The following TEX15 variants were observed in gnomAD, a reference collection of about 807,000 sequenced individuals.
The protein encoded by TEX15 is testis expressed 15, meiosis and synapsis associated.
In TEX15, 171 loss-of-function variants were observed where a neutral mutation model predicts 237.3. The observed-to-expected ratio is 0.72, with a 90% CI of 0.64 to 0.82. The LOEUF (loss-of-function observed/expected upper bound fraction) is 0.82. Among genes scored for constraint, TEX15 ranks in the 40% least tolerant of loss-of-function variants. The pLI is 0.00. For missense variants in TEX15, 3,750 were observed against 3,646.5 expected (o/e 1.03, Z -0.73); for synonymous variants, 1,338 against 1,269.8 (o/e 1.05, Z -1.14).
rs148956340 is a variant in TEX15, at chr8:30,846,175, G to C, written c.3992C>G (p.Thr1331Ser). The C allele has an allele frequency of 8.9e-4, 1,443 of 1,613,180 alleles. 13 individuals are homozygous for C. The Middle Eastern group carries it at 0.026, about 29-fold the overall frequency. ...HKIYGRKRRL[T>S]SQDSSECFSS... ...GAAACACTCAGATGAGTCTTGACTG[G>C]TTAGCCTCCTCTTTCTCCCATAAAT... Residue 1331 changes from threonine (T) to serine (S), a missense_variant, in exon 8 of 11, where the codon ACC becomes AGC. Coordinates refer to ENST00000643185, the MANE Select transcript of TEX15 (RefSeq NM_001350162.2).
intron 3 of TEX15, among the ~76,000 whole-genome samples, chr8:30,881,239 T>C (rs1167837718): frequency 2.0e-5 from 3 of 152,316 alleles, no homozygotes; most frequent in Admixed American, 6.5e-5. Flanking sequence ...CTTGGAACCA[T>C]GGTAATATTA....
At chr8:30,857,161 T>C (rs1455279854) in intron 7 of TEX15, among the ~76,000 whole-genome samples, 1 of 152,160 alleles carries the variant, frequency 6.6e-6, no homozygotes, top group Non-Finnish European at 1.5e-5. Flanking sequence ...TGATATATTA[T>C]AGAGGTGGTA....
chr8:30,841,880 A>T (rs975938106), intron 8 of TEX15, 124 bp downstream of exon 8: 32 of 601,050 alleles, frequency 5.3e-5, no homozygotes, highest in Non-Finnish European at 8.0e-5. Flanking sequence ...TAGTTAGTAA[A>T]TTCATTTTGC....
intron 1 of TEX15, among the ~76,000 whole-genome samples, chr8:30,899,195 A>G (rs1372474898): frequency 1.3e-5 from 2 of 152,186 alleles, no homozygotes; most frequent in African/African-American, 4.8e-5. Context: ...TACATACAGC[A>G]CAAAACATTG....
chr8:30,845,621 C>T lies in TEX15; in HGVS notation c.4546G>A (p.Glu1516Lys), dbSNP rs1394559755. 6.2e-7 allele frequency: 1 copy of T among 1,613,566 alleles called. No homozygotes were observed. The highest frequency in any genetic ancestry group is 2.2e-5 in the East Asian group (1 of 44,860). ...MGEFCNQEHPESQLPVSSTSQ... is the reference protein window; with the variant it reads ...MGEFCNQEHPKSQLPVSSTSQ... ...GTGGAGGATACAGGCAACTGTGATT[C>T]AGGATGTTCTTGATTACAAAATTCT... Residue 1516 changes from glutamate (E) to lysine (K), a missense_variant, in exon 8 of 11, where the codon GAA (glutamate) becomes AAA (lysine). By Grantham distance (56) the Glu-to-Lys change is moderately conservative. Transcript: ENST00000643185.
intron 2 of TEX15, among the ~76,000 whole-genome samples, chr8:30,891,248 T>C (rs917638308): frequency 2.0e-5 from 3 of 152,078 alleles, no homozygotes; most frequent in South Asian, 2.1e-4. Context: ...GCACACTGAT[T>C]TTTGATCCTC....
intron 2 of TEX15, among the ~76,000 whole-genome samples, chr8:30,891,148 A>T (rs1452731555): frequency 2.0e-5 from 3 of 152,096 alleles, no homozygotes; most frequent in African/African-American, 7.2e-5. Context: ...AGCTCAAGCG[A>T]TCAATAAATG....
chr8:30,908,202 G>C (rs1191512166), intron 1 of TEX15, among the ~76,000 whole-genome samples: 2 of 152,094 alleles, frequency 1.3e-5, no homozygotes, highest in African/African-American at 2.4e-5. Context: ...GGAATTGCAG[G>C]CATGAGCCAC....
intron 4 of TEX15, among the ~76,000 whole-genome samples, chr8:30,870,030 T>C (rs1808258500): frequency 6.6e-6 from 1 of 152,036 alleles, no homozygotes; most frequent in African/African-American, 2.4e-5. Flanking sequence ...GTCTGTCACC[T>C]CTGAACCCTG....
At chr8:30,895,272 T>G (rs1808875327) in intron 2 of TEX15, among the ~76,000 whole-genome samples, 1 of 119,426 alleles carries the variant, frequency 8.4e-6, no homozygotes, top group South Asian at 2.6e-4. Flanking sequence ...CACTCCAGCC[T>G]AGGCGACAAA....
chr8:30,848,740 G>C lies in TEX15; in HGVS notation c.1427C>G (p.Ser476Cys). 1 of 1,614,184 alleles carries C rather than the reference G, an allele frequency of 6.2e-7. No homozygotes were observed. The highest frequency in any genetic ancestry group is 8.5e-7 in the Non-Finnish European group (1 of 1,180,026). The part of the protein sequence containing the change: ...NSEIKSTPSN[S>C]ASSSEVVPGD... ...AGGGACAACTTCTGAGGAGGAGGCA[G>C]AATTAGATGGTGTCGATTTTATTTC... is the stretch of plus-strand genomic sequence containing the variant. The change falls in exon 8 of 11, where the codon TCT (serine) becomes TGT (cysteine). Residue 476 changes from serine to cysteine, a missense_variant. By Grantham distance (112) the Ser-to-Cys change is moderately radical. Transcript: ENST00000643185.
In TEX15 at chr8:30,887,331, A is replaced by G. The variant is rs1192532566; in HGVS notation, c.-9-20T>C. The G allele has an allele frequency of 9.3e-6, 14 of 1,512,844 alleles. No individual in the cohort carries two copies. The South Asian group carries it at 1.8e-4, about 19-fold the overall frequency. The allele number at this position is 1,512,844 out of a possible 1,614,324, so 93.7% of individuals were successfully genotyped here. ...GTTGGCCTAAAATCAACCCAAGGTTATTAAGCAAAAAGGTCAATAAATACA... is the reference window on the plus strand; with the variant it reads ...GTTGGCCTAAAATCAACCCAAGGTTGTTAAGCAAAAAGGTCAATAAATACA... On this transcript the variant is annotated intron_variant, in intron 2 of 10. Transcript: ENST00000643185.
Position 30,848,820 on chromosome 8 carries a change from A to C in TEX15, c.1347T>G (p.Thr449=), listed in dbSNP as rs1345424758. Residue 449 remains threonine, a synonymous_variant, in exon 8 of 11, where the codon ACT becomes ACG. Coordinates refer to ENST00000643185, the MANE Select transcript of TEX15 (RefSeq NM_001350162.2). The part of the protein sequence containing the change: ...REESMGEQSS[T]AGLNEVLQFE... ...ATTGCAAAACCTCATTTAAGCCTGCAGTACTACTCTGTTCTCCCATACTTT... is the reference window on the plus strand; with the variant it reads ...ATTGCAAAACCTCATTTAAGCCTGCCGTACTACTCTGTTCTCCCATACTTT... The C allele has an allele frequency of 2.5e-6, 4 of 1,614,092 alleles. No individual in the cohort carries two copies. The highest frequency in any genetic ancestry group is 3.4e-6 in the Non-Finnish European group (4 of 1,180,030).
Position 30,844,730 on chromosome 8 carries a change from A to G in TEX15, c.5437T>C (p.Ser1813Pro). 1 of 1,613,252 alleles carries G rather than the reference A, an allele frequency of 6.2e-7. No homozygotes were observed. The highest frequency in any genetic ancestry group is 8.5e-7 in the Non-Finnish European group (1 of 1,179,588). ...AAAAGCAGAGAACTATCACTGGAAG[A>G]TAATTCCACTATATTTTCCCCATAA... ...KSYGENIVEL[S>P]SSDSSLLLKD... Residue 1813 changes from serine (S) to proline (P), a missense_variant, in exon 8 of 11, where the codon TCT becomes CCT. Coordinates refer to ENST00000643185, the MANE Select transcript of TEX15 (RefSeq NM_001350162.2).
intron 1 of TEX15, among the ~76,000 whole-genome samples, chr8:30,908,452 A>G (rs983782763): frequency 1.3e-5 from 2 of 152,226 alleles, no homozygotes. Context: ...ATTTGCCTAT[A>G]TATCTCCTTT....
chr8:30,871,766 T>A (rs1343523665), intron 4 of TEX15, among the ~76,000 whole-genome samples: 1 of 152,110 alleles, frequency 6.6e-6, no homozygotes, highest in Non-Finnish European at 1.5e-5. Context: ...AATTACTACA[T>A]CCAACTCCAG....
At chr8:30,911,306 TTAC>T (rs1049815676) in intron 1 of TEX15, among the ~76,000 whole-genome samples, 1 of 152,068 alleles carries the variant, frequency 6.6e-6, no homozygotes, top group African/African-American at 2.4e-5. Context: ...TTTTGTATTA[TTAC>T]TACTACTATT....
chr8:30,834,198 A>G (rs546821754), intron 10 of TEX15, among the ~76,000 whole-genome samples: 72 of 152,172 alleles, frequency 4.7e-4, no homozygotes, highest in African/African-American at 1.6e-3. Flanking sequence ...TTTGAGACAG[A>G]GTTTAACCTT....
intron 1 of TEX15, among the ~76,000 whole-genome samples, chr8:30,906,096 C>T (rs935864702): frequency 6.6e-6 from 1 of 152,160 alleles, no homozygotes; most frequent in Admixed American, 6.5e-5. Context: ...CTACAACACA[C>T]AGAACAGTGA....
Sources: gnomAD v4.1 joint callset for allele counts (sites outside exome capture counted in the v4.1 genomes callset) on GRCh38, gnomAD v4.1.1 for gene constraint, MANE v1.5 for transcripts, NCBI Gene and HGNC (gene_info 2026-07-23, HGNC 2026-07-21) for gene names.